Variants in DTHD1 observed in about 807,000 individuals in gnomAD.
DTHD1 encodes the protein death domain-containing protein 1.
Under a neutral mutation model 74.8 loss-of-function variants are expected in DTHD1, and 59 were observed. The ratio of observed to expected loss-of-function variants is 0.79; its 90% CI spans 0.64 to 0.98. The LOEUF is 0.98. Ranked by LOEUF, DTHD1 falls within the 50% of genes least tolerant of loss-of-function variation. The probability of loss-of-function intolerance (pLI) is 0.00; values close to 1 mark genes in which losing one functional copy is unlikely to be tolerated. For synonymous variants in DTHD1, 365 were observed against 371.1 expected, an observed-to-expected ratio of 0.98 and a Z score of 0.19; for missense variants, 1,051 against 1,065.4, an observed-to-expected ratio of 0.99 and a Z score of 0.19.
chr4:36,290,761 C>T (rs1756030922), intron 3 of DTHD1, 58 bp downstream of exon 3: 3 of 1,297,386 alleles, frequency 2.3e-6, no homozygotes, highest in Admixed American at 2.3e-5. Flanking sequence ...ATAAATATCA[C>T]TCAGACTAAC....
chr4:36,334,276 C>A (rs1233570066), intron 8 of DTHD1, among the ~76,000 whole-genome samples: 1 of 152,034 alleles, frequency 6.6e-6, no homozygotes, highest in Non-Finnish European at 1.5e-5. Context: ...CAAGTGTGAG[C>A]TTCCCTTTTT....
At position 36,329,403 on chromosome 4, in the gene DTHD1, T is replaced by C. The variant is rs905051402; in HGVS notation, c.2341-9709T>C. Reference sequence around the variant, plus strand: ...GTGTTTTTCTGTTCTATCCATATGGTGACATCAGCTCTTAGTTCATTGTCA... The same window carrying C: ...GTGTTTTTCTGTTCTATCCATATGGCGACATCAGCTCTTAGTTCATTGTCA... On this transcript the variant is annotated intron_variant, in intron 8 of 9. Transcript: ENST00000639862. Among the ~76,000 whole-genome samples the C allele has an allele frequency of 2.7e-4, 41 of 152,348 alleles. 1 individual carries two copies. Among genetic ancestry groups the C allele is most frequent in the South Asian group, 8.3e-4 (4 of 4,828 alleles).
Position 36,294,984 on chromosome 4 carries a change from C to T in DTHD1, c.1588C>T (p.His530Tyr). The T allele has an allele frequency of 1.9e-6, 3 of 1,551,096 alleles. No homozygotes were observed. Among genetic ancestry groups the T allele is most frequent in the Non-Finnish European group, 2.6e-6 (3 of 1,146,414 alleles). ...AAACAACCTTGGTTCTGAGATAGAT[C>T]ATAAAAGAAGAGCAAGTGCCACAAT... The part of the protein sequence containing the change: ...DKNNLGSEID[H>Y]KRRASATINR... Residue 530 changes from histidine (H) to tyrosine (Y), a missense_variant, in exon 5 of 10, where the codon CAT becomes TAT. Physicochemically the swap from His to Tyr is moderately conservative, Grantham distance 83 (BLOSUM62 2). Coordinates refer to ENST00000639862, the MANE Select transcript of DTHD1 (RefSeq NM_001170700.3).
At chr4:36,340,241 T>A (rs1030554615) in intron 9 of DTHD1, among the ~76,000 whole-genome samples, 4 of 152,160 alleles carry the variant, frequency 2.6e-5, no homozygotes, top group Admixed American at 2.6e-4. Flanking sequence ...AAATGCCAAA[T>A]AAAGACGTTT....
At chr4:36,291,795 TCCAG>T in intron 3 of DTHD1, among the ~76,000 whole-genome samples, 1 of 152,166 alleles carries the variant, frequency 6.6e-6, no homozygotes, top group African/African-American at 2.4e-5. Context: ...ACCCCTGCAC[TCCAG>T]CCTGGGCAAT....
chr4:36,318,962 G>T (rs1301292698), intron 8 of DTHD1, among the ~76,000 whole-genome samples: 1 of 152,114 alleles, frequency 6.6e-6, no homozygotes, highest in Non-Finnish European at 1.5e-5. Context: ...CCATACGGCC[G>T]TTACTTACGC....
chr4:36,294,777 A>T lies in DTHD1; in HGVS notation c.1399-18A>T, dbSNP rs1249603690. On this transcript the variant is annotated intron_variant, in intron 4 of 9. Coordinates refer to ENST00000639862, the MANE Select transcript of DTHD1 (RefSeq NM_001170700.3). ...TCTTTTCTATTAAAACATAAGAAAA[A>T]ATATATTTTTTGTTTAGATCCAACC... The T allele has an allele frequency of 6.7e-7, 1 of 1,496,016 alleles. No homozygotes were observed. Among genetic ancestry groups the T allele is most frequent in the Non-Finnish European group, 8.9e-7 (1 of 1,123,258 alleles). 92.7% of individuals were successfully genotyped at this position (1,496,016 alleles called of 1,614,324 possible). A position where few individuals can be genotyped will look rare whatever the true frequency, so the allele number is the denominator to read the frequency against.
chr4:36,344,145 T>C lies in DTHD1; in HGVS notation c.*321T>C, dbSNP rs951943121. 2 of 230,728 alleles carry C rather than the reference T, an allele frequency of 8.7e-6. No individual in the cohort carries two copies. The highest frequency in any genetic ancestry group is 5.0e-5 in the Admixed American group (1 of 19,840). The allele number at this position is 230,728 out of a possible 1,614,324, so 14.3% of individuals were successfully genotyped here. A position where few individuals can be genotyped will look rare whatever the true frequency, so the allele number is the denominator to read the frequency against. ...AAGTGTGAAGAAAAGATCTGATATA[T>C]GTAATTACTTATTAATTGGTATCTA... On this transcript the variant is annotated 3_prime_UTR_variant, in exon 10 of 10. Transcript: ENST00000639862.
At chr4:36,319,156 G>A (rs1452861537) in intron 8 of DTHD1, among the ~76,000 whole-genome samples, 3 of 152,074 alleles carry the variant, frequency 2.0e-5, no homozygotes, top group Non-Finnish European at 4.4e-5. Flanking sequence ...ATTTGTTCAT[G>A]TATTTTCTAT....
intron 3 of DTHD1, among the ~76,000 whole-genome samples, chr4:36,292,661 C>A (rs539913329): frequency 6.6e-6 from 1 of 152,212 alleles, no homozygotes; most frequent in East Asian, 1.9e-4. Flanking sequence ...TGTGAAATCT[C>A]TTCCTTAGTC....
At chr4:36,324,520 C>T (rs1226786511) in intron 8 of DTHD1, among the ~76,000 whole-genome samples, 1 of 152,138 alleles carries the variant, frequency 6.6e-6, no homozygotes, top group Non-Finnish European at 1.5e-5. Flanking sequence ...TGCTCATTAA[C>T]TCAAACAGAT....
At chr4:36,337,999 G>T (rs1261231611) in intron 8 of DTHD1, among the ~76,000 whole-genome samples, 1 of 152,184 alleles carries the variant, frequency 6.6e-6, no homozygotes, top group African/African-American at 2.4e-5. Flanking sequence ...AAATCAGGAA[G>T]TTGACATTGA....
intron 7 of DTHD1, among the ~76,000 whole-genome samples, chr4:36,310,664 C>CT (rs1757344792): frequency 6.6e-6 from 1 of 152,110 alleles, no homozygotes; most frequent in Non-Finnish European, 1.5e-5. Context: ...TTCATTGGTT[C>CT]TTTTTTTGCT....
At chr4:36,327,646 T>C (rs186555616) in intron 8 of DTHD1, among the ~76,000 whole-genome samples, 1 of 152,370 alleles carries the variant, frequency 6.6e-6, no homozygotes, top group African/African-American at 2.4e-5. Flanking sequence ...TTAATCCTCA[T>C]GGCAACCTCA....
intron 7 of DTHD1, among the ~76,000 whole-genome samples, chr4:36,309,905 T>C (rs576427286): frequency 6.6e-6 from 1 of 152,358 alleles, no homozygotes; most frequent in South Asian, 2.1e-4. Context: ...CATCCTCATG[T>C]CCATGTGCAC....
chr4:36,285,372 C>T (rs1026435835), intron 2 of DTHD1, among the ~76,000 whole-genome samples: 7 of 152,054 alleles, frequency 4.6e-5, no homozygotes, highest in Non-Finnish European at 1.0e-4. Context: ...GTTTTAAACC[C>T]GTGTCTGTAG....
chr4:36,308,270 A>G lies in DTHD1; in HGVS notation c.1872A>G (p.Leu624=). 6.4e-7 allele frequency: 1 copy of G among 1,552,174 alleles called. No individual in the cohort carries two copies. The highest frequency in any genetic ancestry group is 8.7e-7 in the Non-Finnish European group (1 of 1,147,086). The part of the protein sequence containing the change: ...NSHLVTFVKS[L]EEAMLSTTAC... ...ATTTGGTTACTTTTGTGAAATCTTT[A>G]GAGGAAGCCATGCTCAGCACCACTG... Residue 624 remains leucine, a synonymous_variant, in exon 7 of 10, where the codon TTA becomes TTG. Transcript: ENST00000639862.
At chr4:36,308,879 C>G (rs922732463) in intron 7 of DTHD1, among the ~76,000 whole-genome samples, 26 of 152,138 alleles carry the variant, frequency 1.7e-4, no homozygotes, top group Non-Finnish European at 3.4e-4. Context: ...ATAAATCATA[C>G]TATATTATAC....
Position 36,341,751 on chromosome 4 carries a change from T to C in DTHD1, c.2399-1751T>C, listed in dbSNP as rs549362403. On this transcript the variant is annotated intron_variant, in intron 9 of 9. Coordinates refer to ENST00000639862, the MANE Select transcript of DTHD1 (RefSeq NM_001170700.3). ...CTAAAAAAGACAACATATTCTAAGG[T>C]GGACACAAGACCATCATTGATGTGC... 4.6e-5 allele frequency among the ~76,000 whole-genome samples: 7 copies of C among 152,202 alleles called. No homozygotes were observed. The South Asian group carries it at 1.5e-3, about 32-fold the overall frequency.
Sources: allele counts gnomAD v4.1 joint callset (sites outside exome capture counted in the v4.1 genomes callset), GRCh38; gene constraint gnomAD v4.1.1; transcripts MANE v1.5; gene names NCBI Gene and HGNC (gene_info 2026-07-23, HGNC 2026-07-21).